SDK1: variants seen among roughly 807,000 people sequenced by gnomAD.
SDK1 encodes the protein protein sidekick-1.
SDK1 carries 157 observed loss-of-function variants against 245.5 expected under a neutral mutation model. The ratio of observed to expected loss-of-function variants is 0.64; its 90% confidence interval spans 0.56 to 0.73. The LOEUF is 0.73. Ranked by LOEUF, SDK1 falls within the 30% of genes least tolerant of loss-of-function variation. The pLI, the probability that SDK1 is intolerant of heterozygous loss-of-function variation, is 0.00. For missense variants in SDK1, 3,583 were observed against 3,002.3 expected, an observed-to-expected ratio of 1.19 and a Z score of -4.52; for synonymous variants, 1,647 against 1,278.5, an observed-to-expected ratio of 1.29 and a Z score of -6.15.
intron 22 of SDK1, among the ~76,000 whole-genome samples, chr7:4,103,058 T>C (rs539927009): frequency 1.3e-5 from 2 of 148,890 alleles, no homozygotes; most frequent in East Asian, 2.0e-4. Context: ...TGGAGTGTAG[T>C]GGTGCGATCT....
Position 3,337,041 on chromosome 7 carries a change from G to A in SDK1, c.298+35157G>A, listed in dbSNP as rs192221365. Among the ~76,000 whole-genome samples, 44 of 152,226 alleles carry A rather than the reference G, an allele frequency of 2.9e-4. 1 individual carries two copies. Among genetic ancestry groups the A allele is most frequent in the Admixed American group, 2.6e-3 (40 of 15,292 alleles). On this transcript the variant is annotated intron_variant, in intron 1 of 44. Transcript: ENST00000404826. ...TCATACCAATTTATACAATTCTACA[G>A]ATCACTCATACCAAGATCCAGGAAT...
intron 4 of SDK1, among the ~76,000 whole-genome samples, chr7:3,747,381 T>A (rs1461865839): frequency 2.0e-5 from 3 of 152,164 alleles, no homozygotes; most frequent in African/African-American, 7.2e-5. Flanking sequence ...TTTCTTGCAA[T>A]ATTTATTGAA....
At chr7:3,944,289 A>G (rs980540465) in intron 5 of SDK1, among the ~76,000 whole-genome samples, 3 of 152,246 alleles carry the variant, frequency 2.0e-5, no homozygotes, top group African/African-American at 2.4e-5. Context: ...GGTTGTCACT[A>G]TATTAAATGG....
intron 1 of SDK1, among the ~76,000 whole-genome samples, chr7:3,418,136 A>T (rs1418672630): frequency 9.9e-6 from 1 of 101,418 alleles, no homozygotes; most frequent in Non-Finnish European, 2.1e-5. Context: ...CCCGATCTCT[A>T]CTAAAAATGA....
chr7:3,627,533 C>G (rs1782158091), intron 2 of SDK1, among the ~76,000 whole-genome samples: 1 of 152,154 alleles, frequency 6.6e-6, no homozygotes, highest in African/African-American at 2.4e-5. Context: ...GTAGAAAGGT[C>G]AAATATAAGC....
In SDK1 at chr7:3,493,204, G is replaced by T. The variant is rs148657030; in HGVS notation, c.299-125876G>T. On this transcript the variant is annotated intron_variant, in intron 1 of 44. Coordinates refer to ENST00000404826, the MANE Select transcript of SDK1 (RefSeq NM_152744.4). The stretch of plus-strand genomic sequence containing the variant: ...CTGACCTCATAATCCTCACACCTCG[G>T]CCTCCCAAAGTACTGAGATTACAGG... 5.9e-3 allele frequency among the ~76,000 whole-genome samples: 891 copies of T among 152,136 alleles called. 8 individuals carry two copies. Among genetic ancestry groups the T allele is most frequent in the African/African-American group, 0.02 (824 of 41,496 alleles).
intron 5 of SDK1, among the ~76,000 whole-genome samples, chr7:3,871,482 G>T (rs371834336): frequency 6.6e-6 from 1 of 152,204 alleles, no homozygotes; most frequent in Non-Finnish European, 1.5e-5. Context: ...AAAGGAATAC[G>T]TGAGGCTGGG....
intron 17 of SDK1, among the ~76,000 whole-genome samples, chr7:4,036,239 G>C (rs1047594317): frequency 2.0e-5 from 3 of 152,154 alleles, no homozygotes; most frequent in Admixed American, 6.5e-5. Context: ...CTAGAATTCA[G>C]ATAATTAAGT....
intron 1 of SDK1, among the ~76,000 whole-genome samples, chr7:3,324,818 C>A (rs1466461485): frequency 6.6e-6 from 1 of 152,060 alleles, no homozygotes; most frequent in Non-Finnish European, 1.5e-5. Flanking sequence ...TAAACCTATG[C>A]CCAGGAAAAA....
At chr7:4,222,595 G>A (rs563137523) in intron 40 of SDK1, among the ~76,000 whole-genome samples, 6 of 152,268 alleles carry the variant, frequency 3.9e-5, no homozygotes, top group African/African-American at 9.6e-5. Context: ...GTGCCCAGCC[G>A]CCTTCTAGAA....
chr7:4,093,458 CAAAAAAAAA>C (rs71032922), intron 22 of SDK1, among the ~76,000 whole-genome samples: 20 of 77,754 alleles, frequency 2.6e-4, no homozygotes, highest in Admixed American at 1.3e-3. Context: ...AAATGGAAAG[CAAAAAAAAA>C]AAAAAAAAAA....
intron 2 of SDK1, among the ~76,000 whole-genome samples, chr7:3,634,126 G>C (rs1251443049): frequency 6.6e-6 from 1 of 152,154 alleles, no homozygotes; most frequent in Non-Finnish European, 1.5e-5. Flanking sequence ...CAGGTGAGTG[G>C]TCTGGGAATA....
At chr7:3,436,307 G>C (rs1002046450) in intron 1 of SDK1, among the ~76,000 whole-genome samples, 1 of 152,090 alleles carries the variant, frequency 6.6e-6, no homozygotes, top group Non-Finnish European at 1.5e-5. Context: ...TTAGAGGGAT[G>C]ATTACGAAAT....
intron 1 of SDK1, among the ~76,000 whole-genome samples, chr7:3,572,974 C>T (rs1780164165): frequency 6.6e-6 from 1 of 152,066 alleles, no homozygotes; most frequent in South Asian, 2.1e-4. Flanking sequence ...GTGTTGCAGG[C>T]AGACGGAGCA....
chr7:4,252,317 T>C (rs1787359574), intron 44 of SDK1, among the ~76,000 whole-genome samples: 1 of 151,882 alleles, frequency 6.6e-6, no homozygotes, highest in Non-Finnish European at 1.5e-5. Flanking sequence ...GTTTGGTTTT[T>C]TGTCCTTGCG....
intron 5 of SDK1, among the ~76,000 whole-genome samples, chr7:3,835,501 G>A (rs547711516): frequency 3.3e-5 from 5 of 152,110 alleles, no homozygotes; most frequent in African/African-American, 7.2e-5. Context: ...ACCTGCCTCC[G>A]TATACTTTCT....
At chr7:3,386,919 G>A (rs986477337) in intron 1 of SDK1, among the ~76,000 whole-genome samples, 1 of 152,180 alleles carries the variant, frequency 6.6e-6, no homozygotes, top group African/African-American at 2.4e-5. Flanking sequence ...TGCTGCAGAG[G>A]AATAAAGAGA....
chr7:3,852,654 G>T (rs1403472527), intron 5 of SDK1, among the ~76,000 whole-genome samples: 1 of 150,420 alleles, frequency 6.6e-6, no homozygotes, highest in Admixed American at 6.6e-5. Context: ...GGGAGGCTGA[G>T]GCAGGAGAAT....
chr7:3,910,406 T>C (rs957894491), intron 5 of SDK1, among the ~76,000 whole-genome samples: 12 of 152,222 alleles, frequency 7.9e-5, no homozygotes, highest in African/African-American at 2.6e-4. Flanking sequence ...AATAGCTGCA[T>C]AGTGCGGAAT....
Sources: gnomAD v4.1 joint callset for allele counts (sites outside exome capture counted in the v4.1 genomes callset) on GRCh38, gnomAD v4.1.1 for gene constraint, MANE v1.5 for transcripts, NCBI Gene and HGNC (gene_info 2026-07-23, HGNC 2026-07-21) for gene names.